Variants in FBN3 observed in about 807,000 individuals in gnomAD.
The protein encoded by FBN3 is fibrillin-3.
In FBN3, 234 loss-of-function variants were observed where a neutral mutation model predicts 330.1. The observed-to-expected ratio is 0.71, with a 90% CI of 0.64 to 0.79. The LOEUF (loss-of-function observed/expected upper bound fraction) is 0.79. FBN3 is among the 30% of genes least tolerant of loss of function. The pLI is 0.00. For synonymous variants in FBN3, 1,458 were observed against 1,517.3 expected, an observed-to-expected ratio of 0.96 and a Z score of 0.91; for missense variants, 3,606 against 3,886.9, an observed-to-expected ratio of 0.93 and a Z score of 1.92.
At chr19:8,139,896 C>G (rs2083373781) in intron 8 of FBN3, among the ~76,000 whole-genome samples, 1 of 151,970 alleles carries the variant, frequency 6.6e-6, no homozygotes, top group Non-Finnish European at 1.5e-5. Context: ...CTGCCCCGAG[C>G]TGGGAAAACA....
chr19:8,133,965 G>T (rs184993685), intron 13 of FBN3, among the ~76,000 whole-genome samples: 1 of 150,724 alleles, frequency 6.6e-6, no homozygotes, highest in African/African-American at 2.4e-5. Flanking sequence ...GGTGGTTCAC[G>T]CCCGTAATCC....
rs374649949 is a variant in FBN3, at chr19:8,125,977, G to A, written c.2646C>T (p.Asn882=). ...ECESFPGVCP[N]GRCVNTAGSF... ...ACCCAGCAGTGTTGACGCAACGCCCGTTGGGACAGACTCCCGGGAAGGACT... is the reference window on the plus strand; with the variant it reads ...ACCCAGCAGTGTTGACGCAACGCCCATTGGGACAGACTCCCGGGAAGGACT... The change falls in exon 22 of 64, where the codon AAC becomes AAT. Residue 882 remains asparagine, a synonymous_variant. Coordinates refer to ENST00000600128, the MANE Select transcript of FBN3 (RefSeq NM_032447.5). 50 of 1,613,870 alleles carry A rather than the reference G, an allele frequency of 3.1e-5. No homozygotes were observed. Among genetic ancestry groups the A allele is most frequent in the Admixed American group, 2.5e-4 (15 of 59,954 alleles).
chr19:8,075,348 G>T lies in FBN3; in HGVS notation c.7517C>A (p.Pro2506Gln). ...GTGGCATTCACAGCGGAAGCTGCCC[G>T]GGGTGTTGTGGCAGTGCCCGTGGGC... ...CGAHGHCHNT[P>Q]GSFRCECHQG... Residue 2506 changes from proline (P) to glutamine (Q), a missense_variant, in exon 60 of 64, where the codon CCG becomes CAG. Coordinates refer to ENST00000600128, the MANE Select transcript of FBN3 (RefSeq NM_032447.5). The T allele has an allele frequency of 1.2e-6, 2 of 1,614,198 alleles. No individual in the cohort carries two copies. The highest frequency in any genetic ancestry group is 1.7e-6 in the Non-Finnish European group (2 of 1,180,036).
At chr19:8,135,936 G>GCCTCCC in intron 13 of FBN3, 25 bp downstream of exon 13, 1 of 668,778 alleles carries the variant, frequency 1.5e-6, no homozygotes, top group Non-Finnish European at 2.4e-6. Flanking sequence ...GGAAGCCCCT[G>GCCTCCC]CCCACCCGCC....
intron 63 of FBN3, among the ~76,000 whole-genome samples, chr19:8,068,010 C>T (rs1013260004): frequency 8.6e-5 from 13 of 152,002 alleles, no homozygotes; most frequent in African/African-American, 3.1e-4. Context: ...CTGCAGTGAG[C>T]TATGATTGCA....
At chr19:8,142,809 C>A (rs2083444516) in intron 6 of FBN3, among the ~76,000 whole-genome samples, 1 of 150,846 alleles carries the variant, frequency 6.6e-6, no homozygotes. Context: ...CCCCACCCCC[C>A]AGCTGTCCTG....
Position 8,109,460 on chromosome 19 carries a change from T to C in FBN3, c.4457-72A>G. The C allele has an allele frequency of 6.4e-7, 1 of 1,570,800 alleles. No individual in the cohort carries two copies. The highest frequency in any genetic ancestry group is 8.7e-7 in the Non-Finnish European group (1 of 1,145,832). Reference sequence around the variant, plus strand: ...GTATGTGTGCGTGTGCATGCATGTGTCTATTTCAACAGGTGACAAGGACAA... The same window carrying C: ...GTATGTGTGCGTGTGCATGCATGTGCCTATTTCAACAGGTGACAAGGACAA... On this transcript the variant is annotated intron_variant, in intron 35 of 63. Coordinates refer to ENST00000600128, the MANE Select transcript of FBN3 (RefSeq NM_032447.5). This position sits in a 1 kb window ranked among gnomAD's most constrained non-coding sequence, Gnocchi z 5.2.
At position 8,099,519 on chromosome 19, in the gene FBN3, A is replaced by G. The variant is rs1599337774; in HGVS notation, c.5161+1382T>C. On this transcript the variant is annotated intron_variant, in intron 41 of 63. Coordinates refer to ENST00000600128, the MANE Select transcript of FBN3 (RefSeq NM_032447.5). ...ATGGTCTCGATCTCCTGACCTCGTG[A>G]TCCGCCTGCCTCGGCCTCCCAAAGT... Among the ~76,000 whole-genome samples, 5 of 151,664 alleles carry G rather than the reference A, an allele frequency of 3.3e-5. 1 individual carries two copies. The East Asian group carries it at 9.8e-4, about 30-fold the overall frequency.
rs2145366509 is a variant in FBN3 at position 8,073,290 on chromosome 19, A to G, written c.7710T>C (p.Asn2570=). The G allele has an allele frequency of 6.2e-7, 1 of 1,612,968 alleles. No individual in the cohort carries two copies. The highest frequency in any genetic ancestry group is 8.5e-7 in the Non-Finnish European group (1 of 1,179,262). The part of the protein sequence containing the change: ...HSQWAQCVDE[N]ECALSPPTCG... ...AGGTGGGGGGCGACAGGGCACACTC[A>G]TTCTCATCTGTGGGAGGAAAGGAGG... Residue 2570 remains asparagine, a synonymous_variant, in exon 62 of 64, where the codon AAT becomes AAC. Coordinates refer to ENST00000600128, the MANE Select transcript of FBN3 (RefSeq NM_032447.5).
In FBN3 at chr19:8,117,311, C is replaced by G; in HGVS notation, c.3464-20G>C. ...TGATGTCTGCAGGATGCAGGGCAGA[C>G]AGGGGCTGGGGCTGGGGGGAGGGGT... On this transcript the variant is annotated intron_variant, in intron 27 of 63. Transcript: ENST00000600128. The G allele has an allele frequency of 1.3e-6, 2 of 1,590,684 alleles. No individual in the cohort carries two copies. The highest frequency in any genetic ancestry group is 1.1e-5 in the South Asian group (1 of 89,980).
chr19:8,091,379 A>C, intron 48 of FBN3, 86 bp downstream of exon 48: 1 of 1,537,160 alleles, frequency 6.5e-7, no homozygotes, highest in Admixed American at 1.9e-5. Flanking sequence ...AGGGTCACAC[A>C]AGAAACCACA....
At chr19:8,124,112 TAGTCAGGTCG>T in intron 22 of FBN3, 104 bp from the exon 23 acceptor site, 2 of 1,006,728 alleles carry the variant, frequency 2.0e-6, no homozygotes, top group Non-Finnish European at 3.0e-6. Context: ...CTCCCGGACG[TAGTCAGGTCG>T]AGGGCCAGAG....
chr19:8,117,381 G>A (rs1393182989), intron 27 of FBN3, 83 bp downstream of exon 27: 13 of 1,544,122 alleles, frequency 8.4e-6, no homozygotes, highest in African/African-American at 4.1e-5. Flanking sequence ...GCAGAGTGGA[G>A]TTGAGGTGAG....
intron 34 of FBN3, 132 bp downstream of exon 34, chr19:8,110,713 C>A (rs952454086): frequency 8.1e-7 from 1 of 1,228,890 alleles, no homozygotes; most frequent in Non-Finnish European, 1.1e-6. Context: ...AGGCAAGGCG[C>A]CCCCCACCCC....
chr19:8,115,146 C>T (rs991630034), intron 30 of FBN3, among the ~76,000 whole-genome samples: 1 of 152,188 alleles, frequency 6.6e-6, no homozygotes, highest in Non-Finnish European at 1.5e-5. Context: ...TGAGCCACCG[C>T]GCCCGGCCCA....
chr19:8,075,717 T>G (rs944700673), intron 59 of FBN3, among the ~76,000 whole-genome samples: 2 of 152,250 alleles, frequency 1.3e-5, no homozygotes, highest in African/African-American at 4.8e-5. Flanking sequence ...TCTACCTCAT[T>G]GCATTTTTGT....
chr19:8,074,146 G>A (rs1291963186), intron 61 of FBN3, among the ~76,000 whole-genome samples: 1 of 152,156 alleles, frequency 6.6e-6, no homozygotes, highest in Non-Finnish European at 1.5e-5. Flanking sequence ...TCAGGGCCTA[G>A]TGAAAGGCAG....
At chr19:8,102,941 G>A (rs2082357835) in intron 39 of FBN3, 68 bp from the exon 40 acceptor site, 1 of 1,507,756 alleles carries the variant, frequency 6.6e-7, no homozygotes. Flanking sequence ...GGGAGCCAAA[G>A]AGATAGGAAC....
Position 8,131,418 on chromosome 19 carries a change from G to A in FBN3, c.1991-130C>T. On this transcript the variant is annotated intron_variant, in intron 15 of 63. Transcript: ENST00000600128. This position sits in a 1 kb window ranked among gnomAD's most constrained non-coding sequence, Gnocchi z 4.5. ...ACTAAGACACAACTCCAACCCCGGG[G>A]AGGGAGCAACTCCCTTCAGCCTCTT... 4 of 1,437,002 alleles carry A rather than the reference G, an allele frequency of 2.8e-6. No individual in the cohort carries two copies. The South Asian group carries it at 5.1e-5, about 18-fold the overall frequency. 89.0% of individuals were successfully genotyped at this position (1,437,002 alleles called of 1,614,324 possible). A position where few individuals can be genotyped will look rare whatever the true frequency, so the allele number is the denominator to read the frequency against.
Sources: gnomAD v4.1 joint callset for allele counts (sites outside exome capture counted in the v4.1 genomes callset) on GRCh38, gnomAD v4.1.1 for gene constraint, Gnocchi (gnomAD v3.1) non-coding constraint, MANE v1.5 for transcripts, NCBI Gene and HGNC (gene_info 2026-07-23, HGNC 2026-07-21) for gene names.